ALK: variants seen among roughly 807,000 people sequenced by gnomAD.
ALK encodes the protein ALK receptor tyrosine kinase.
A neutral mutation model predicts 163.1 loss-of-function variants in ALK; 74 were observed. The observed-to-expected ratio is 0.45, with a 90% CI of 0.38 to 0.55. The LOEUF is 0.55. Ranked by LOEUF, ALK falls within the 20% of genes least tolerant of loss-of-function variation. The pLI is 0.00. For synonymous variants in ALK, 960 were observed against 843.2 expected, an observed-to-expected ratio of 1.14 and a Z score of -2.40; for missense variants, 2,063 against 2,105.3, an observed-to-expected ratio of 0.98 and a Z score of 0.39.
intron 9 of ALK, among the ~76,000 whole-genome samples, chr2:29,292,192 C>A (rs1304815894): frequency 6.6e-6 from 1 of 152,170 alleles, no homozygotes; most frequent in Non-Finnish European, 1.5e-5. Context: ...AGGAATGGAG[C>A]CTGCACAGGT....
chr2:29,803,329 T>C (rs1664532213), intron 1 of ALK, among the ~76,000 whole-genome samples: 1 of 152,222 alleles, frequency 6.6e-6, no homozygotes, highest in South Asian at 2.1e-4. Flanking sequence ...CAAAGTATTA[T>C]TGTAAAGCTG....
intron 4 of ALK, among the ~76,000 whole-genome samples, chr2:29,468,153 C>G (rs1473301554): frequency 6.6e-6 from 1 of 152,060 alleles, no homozygotes; most frequent in Non-Finnish European, 1.5e-5. Context: ...TTCAGCCTTC[C>G]AAGTAGCTGG....
intron 1 of ALK, among the ~76,000 whole-genome samples, chr2:29,852,478 G>C (rs1454347992): frequency 6.6e-6 from 1 of 152,154 alleles, no homozygotes; most frequent in Non-Finnish European, 1.5e-5. Context: ...GTGTGGGGAA[G>C]GGCCCCTCCA....
intron 3 of ALK, among the ~76,000 whole-genome samples, chr2:29,565,950 C>G (rs1674173628): frequency 6.6e-6 from 1 of 152,162 alleles, no homozygotes; most frequent in East Asian, 1.9e-4. Flanking sequence ...GCACTCAGAG[C>G]TTTGTGGGAC....
intron 26 of ALK, among the ~76,000 whole-genome samples, chr2:29,200,849 A>ATATATAC (rs1451539541): frequency 2.7e-5 from 4 of 146,402 alleles, no homozygotes; most frequent in Non-Finnish European, 4.5e-5. Flanking sequence ...GTGTGTATAT[A>ATATATAC]GATACGTATA....
chr2:29,628,811 G>T (rs967704063), intron 3 of ALK, among the ~76,000 whole-genome samples: 4 of 152,122 alleles, frequency 2.6e-5, no homozygotes, highest in Non-Finnish European at 5.9e-5. Flanking sequence ...TTCAAAGATA[G>T]ACAACTCTGT....
intron 3 of ALK, among the ~76,000 whole-genome samples, chr2:29,533,483 A>G (rs1381040670): frequency 1.3e-5 from 2 of 152,186 alleles, no homozygotes; most frequent in African/African-American, 4.8e-5. Flanking sequence ...ACTTCTAAGC[A>G]GTACTCTTCT....
chr2:29,409,907 G>C (rs1335791073), intron 4 of ALK, among the ~76,000 whole-genome samples: 1 of 151,984 alleles, frequency 6.6e-6, no homozygotes, highest in African/African-American at 2.4e-5. Context: ...GTGCCCTGTT[G>C]GCTGTTCATC....
chr2:29,580,909 C>T (rs1377793696), intron 3 of ALK, among the ~76,000 whole-genome samples: 1 of 152,186 alleles, frequency 6.6e-6, no homozygotes, highest in African/African-American at 2.4e-5. Context: ...CCTTATGTCT[C>T]AGGCAGGCAG....
intron 3 of ALK, among the ~76,000 whole-genome samples, chr2:29,543,504 G>A (rs952292339): frequency 8.5e-5 from 13 of 152,198 alleles, no homozygotes; most frequent in African/African-American, 1.4e-4. Flanking sequence ...GCAGCCATAA[G>A]TCTATCACTC....
At chr2:29,648,134 C>T (rs1676937036) in intron 3 of ALK, among the ~76,000 whole-genome samples, 1 of 152,122 alleles carries the variant, frequency 6.6e-6, no homozygotes. Flanking sequence ...ACCTCATTGA[C>T]TTTGCTCATG....
At chr2:29,816,372 G>C (rs1337053252) in intron 1 of ALK, among the ~76,000 whole-genome samples, 1 of 152,118 alleles carries the variant, frequency 6.6e-6, no homozygotes, top group African/African-American at 2.4e-5. Context: ...GCATCGATGA[G>C]ATACTTACAT....
chr2:29,445,073 A>G (rs147550043), intron 4 of ALK, among the ~76,000 whole-genome samples: 199 of 152,282 alleles, frequency 1.3e-3, no homozygotes, highest in African/African-American at 4.7e-3. Context: ...TTTGACTCCT[A>G]CTTCCCATTG....
chr2:29,606,534 G>A (rs536431689), intron 3 of ALK, among the ~76,000 whole-genome samples: 15 of 152,340 alleles, frequency 9.8e-5, no homozygotes, highest in Admixed American at 7.2e-4. Context: ...TGGCATCCCT[G>A]TGGACAGACC....
intron 2 of ALK, among the ~76,000 whole-genome samples, chr2:29,717,262 C>G (rs1679288885): frequency 6.6e-6 from 1 of 150,550 alleles, no homozygotes; most frequent in Non-Finnish European, 1.5e-5. Context: ...AGTCAAGAAG[C>G]AAATAAGCAT....
chr2:29,915,793 G>C (rs1179104268), intron 1 of ALK, among the ~76,000 whole-genome samples: 2 of 152,106 alleles, frequency 1.3e-5, no homozygotes, highest in African/African-American at 2.4e-5. Context: ...CTCACCCATA[G>C]ATGTATCTTA....
chr2:29,226,008 T>C (rs944641776), intron 18 of ALK, among the ~76,000 whole-genome samples: 4 of 152,148 alleles, frequency 2.6e-5, no homozygotes, highest in Admixed American at 1.3e-4. Flanking sequence ...TGCCCTCTGC[T>C]GGCCAGACCA....
chr2:29,458,771 A>G (rs187232754), intron 4 of ALK, among the ~76,000 whole-genome samples: 11 of 152,264 alleles, frequency 7.2e-5, no homozygotes, highest in African/African-American at 2.6e-4. Context: ...AGTAAGAATA[A>G]AAGTTGCTGC....
intron 1 of ALK, among the ~76,000 whole-genome samples, chr2:29,852,832 TTCTCTCTCTC>T (rs56348355): frequency 0.14 from 21,227 of 148,202 alleles, 1,582 homozygotes; most frequent in Non-Finnish European, 0.17. Context: ...GACCAGAGCT[TTCTCTCTCTC>T]TCTCTCTCTC....
Sources: allele counts gnomAD v4.1 joint callset (sites outside exome capture counted in the v4.1 genomes callset), GRCh38; gene constraint gnomAD v4.1.1; transcripts MANE v1.5; gene names NCBI Gene and HGNC (gene_info 2026-07-23, HGNC 2026-07-21).